SOS1: variants seen among roughly 807,000 people sequenced by gnomAD.
SOS1 encodes SOS Ras/Rac guanine nucleotide exchange factor 1, also known as son of sevenless homolog 1.
A neutral mutation model predicts 157.6 loss-of-function variants in SOS1; 25 were observed. The ratio of observed to expected loss-of-function variants is 0.16; its 90% CI spans 0.12 to 0.22. SOS1 has a LOEUF of 0.22. Ranked by LOEUF, SOS1 falls within the 10% of genes least tolerant of loss-of-function variation. SOS1 has a pLI of 1.00. For synonymous variants in SOS1, 528 were observed against 534.0 expected (o/e 0.99, Z 0.16); for missense variants, 1,237 against 1,599.1 (o/e 0.77, Z 3.86).
intron 8 of SOS1, among the ~76,000 whole-genome samples, chr2:39,032,807 C>T (rs1670211204): frequency 6.6e-6 from 1 of 152,028 alleles, no homozygotes; most frequent in African/African-American, 2.4e-5. Context: ...ACTAAAAATA[C>T]AAAATTAGTC....
At chr2:39,077,404 A>G (rs1051529050) in intron 1 of SOS1, among the ~76,000 whole-genome samples, 2 of 152,114 alleles carry the variant, frequency 1.3e-5, no homozygotes. Context: ...CTTAAATAGT[A>G]TTAAGGAAGT....
chr2:39,067,425 CA>C (rs142508838), intron 2 of SOS1, among the ~76,000 whole-genome samples: 9 of 145,564 alleles, frequency 6.2e-5, no homozygotes, highest in African/African-American at 1.8e-4. Context: ...TTCCAAAATC[CA>C]AAAAAAAAAC....
intron 21 of SOS1, among the ~76,000 whole-genome samples, chr2:38,988,629 GTTAA>G (rs1668623637): frequency 6.6e-6 from 1 of 151,968 alleles, no homozygotes; most frequent in African/African-American, 2.4e-5. Context: ...TAAGAATATA[GTTAA>G]TTCAGCTTGT....
Position 39,009,362 on chromosome 2 carries a change from C to T in SOS1, c.2510+1222G>A, listed in dbSNP as rs1462967499. The stretch of plus-strand genomic sequence containing the variant: ...CTGAGAGAATTTGTTGCTAGCCCAC[C>T]CTCCAGAAGAAATACTAAAGGAAGT... On this transcript the variant is annotated intron_variant, in intron 15 of 22. Coordinates refer to ENST00000402219, the MANE Select transcript of SOS1 (RefSeq NM_005633.4). 2.0e-5 allele frequency among the ~76,000 whole-genome samples: 3 copies of T among 152,226 alleles called. No homozygotes were observed. In the East Asian group the frequency reaches 5.8e-4, roughly 29 times the overall value.
At chr2:39,071,826 C>T (rs1408336843) in intron 1 of SOS1, among the ~76,000 whole-genome samples, 1 of 151,770 alleles carries the variant, frequency 6.6e-6, no homozygotes, top group African/African-American at 2.4e-5. Flanking sequence ...TCGCAGTTTG[C>T]TAAAACACGG....
At chr2:39,098,337 TG>T in intron 1 of SOS1, 1 of 263,114 alleles carries the variant, frequency 3.8e-6, no homozygotes, top group Admixed American at 4.4e-5. Context: ...TACTTTTCCT[TG>T]AGATTTTTCT....
chr2:39,023,813 C>T (rs1669875471), intron 9 of SOS1, 197 bp downstream of exon 9: 1 of 544,648 alleles, frequency 1.8e-6, no homozygotes, highest in Admixed American at 3.2e-5. Context: ...TGGGAGTATG[C>T]AAGGAAAATG....
chr2:38,994,623 C>G (rs1668835115), intron 20 of SOS1, among the ~76,000 whole-genome samples: 1 of 152,152 alleles, frequency 6.6e-6, no homozygotes, highest in African/African-American at 2.4e-5. Flanking sequence ...TTTAGCATCC[C>G]TAACTGAAAA....
In SOS1 at chr2:38,986,316, C is replaced by T; in HGVS notation, c.3511-1G>A. On this transcript the variant is annotated splice_acceptor_variant, in intron 22 of 22. Transcript: ENST00000402219. LOFTEE classifies it high-confidence loss of function. ...GACTGTCCAAATGCTTAGACATAAT[C>T]TAACAAATGAAAAGAATAAAATACA... 6.2e-7 allele frequency: 1 copy of T among 1,610,726 alleles called. No homozygotes were observed. The highest frequency in any genetic ancestry group is 8.5e-7 in the Non-Finnish European group (1 of 1,178,068).
At chr2:39,103,625 A>G (rs965307779) in intron 1 of SOS1, among the ~76,000 whole-genome samples, 12 of 152,204 alleles carry the variant, frequency 7.9e-5, no homozygotes, top group African/African-American at 2.9e-4. Context: ...AACTCATACC[A>G]AACACAAAAA....
intron 6 of SOS1, among the ~76,000 whole-genome samples, chr2:39,050,922 T>G (rs1670992358): frequency 6.6e-6 from 1 of 152,174 alleles, no homozygotes. Context: ...CCTCCCCCCT[T>G]GGCGGTATCT....
intron 1 of SOS1, among the ~76,000 whole-genome samples, chr2:39,108,524 C>A (rs1673291047): frequency 6.6e-6 from 1 of 151,902 alleles, no homozygotes; most frequent in African/African-American, 2.4e-5. Context: ...TAATCCTTAA[C>A]TGGCTAACTC....
At chr2:39,118,215 C>A (rs1221589894) in intron 1 of SOS1, among the ~76,000 whole-genome samples, 1 of 152,068 alleles carries the variant, frequency 6.6e-6, no homozygotes, top group East Asian at 1.9e-4. Flanking sequence ...TTGGACCAGG[C>A]AAAGAAGGAT....
chr2:39,093,424 G>T (rs1672660315), intron 1 of SOS1, among the ~76,000 whole-genome samples: 1 of 151,946 alleles, frequency 6.6e-6, no homozygotes, highest in South Asian at 2.1e-4. Context: ...GACATAAGAG[G>T]GTCAGAGTCC....
chr2:39,046,194 A>T (rs567336366), intron 6 of SOS1, among the ~76,000 whole-genome samples: 2 of 152,240 alleles, frequency 1.3e-5, no homozygotes, highest in South Asian at 2.1e-4. Flanking sequence ...AAAAATTACT[A>T]TAGTTCCTTT....
intron 20 of SOS1, chr2:38,992,399 C>A (rs1403886461): frequency 6.6e-6 from 1 of 152,034 alleles, no homozygotes; most frequent in Non-Finnish European, 1.5e-5. Flanking sequence ...ATTGAGAAAA[C>A]CCTCAAGTCT....
At chr2:39,010,769 G>C in intron 14 of SOS1, 66 bp from the exon 15 acceptor site, 1 of 1,302,098 alleles carries the variant, frequency 7.7e-7, no homozygotes, top group Non-Finnish European at 1.1e-6. Flanking sequence ...GTTTTATTAA[G>C]TAAAGGAGAC....
upstream of SOS1, among the ~76,000 whole-genome samples, chr2:39,123,831 G>C (rs1673981049): frequency 6.6e-6 from 1 of 152,158 alleles, no homozygotes; most frequent in South Asian, 2.1e-4. Flanking sequence ...GGCGATTTTC[G>C]GGGTGTGCAG....
At chr2:39,000,969 A>G (rs1669078166) in intron 17 of SOS1, among the ~76,000 whole-genome samples, 1 of 152,274 alleles carries the variant, frequency 6.6e-6, no homozygotes, top group African/African-American at 2.4e-5. Flanking sequence ...ACACAAGATC[A>G]GAGCTGTGTA....
Sources: gnomAD v4.1 joint callset for allele counts (sites outside exome capture counted in the v4.1 genomes callset) on GRCh38, gnomAD v4.1.1 for gene constraint, MANE v1.5 for transcripts, NCBI Gene and HGNC (gene_info 2026-07-23, HGNC 2026-07-21) for gene names.